The following CLIP4 variants were observed in gnomAD, a reference collection of about 807,000 sequenced individuals.
The protein encoded by CLIP4 is CAP-Gly domain containing linker protein family member 4.
Under a neutral mutation model 73.1 loss-of-function variants are expected in CLIP4, and 47 were observed. That is an observed-to-expected ratio of 0.64 (90% confidence interval 0.51 to 0.82). The LOEUF (loss-of-function observed/expected upper bound fraction) is 0.82, where lower values mean the gene tolerates loss of function less well. CLIP4 is among the 40% of genes least tolerant of loss of function. CLIP4 has a pLI of 0.00. For synonymous variants in CLIP4, 306 were observed against 295.4 expected, an observed-to-expected ratio of 1.04 and a Z score of -0.37; for missense variants, 874 against 852.9, an observed-to-expected ratio of 1.02 and a Z score of -0.31.
intron 1 of CLIP4, among the ~76,000 whole-genome samples, chr2:29,117,154 G>C (rs1346885862): frequency 6.6e-6 from 1 of 152,108 alleles, no homozygotes; most frequent in African/African-American, 2.4e-5. Context: ...AGAGTGAGCT[G>C]CACTGTTTTC....
intron 8 of CLIP4, among the ~76,000 whole-genome samples, chr2:29,150,760 C>T (rs1400175694): frequency 1.4e-5 from 2 of 145,562 alleles, no homozygotes; most frequent in Admixed American, 7.2e-5. Context: ...ATAGGGATTA[C>T]AGGCACGCAC....
rs180944443 is a variant in CLIP4, at chr2:29,128,927, C to T, written c.134-2331C>T. ...TATAATTTTTCAGTGTAGCACAGGA[C>T]ATGTTTACTAACACACCCAGGTATC... is the stretch of plus-strand genomic sequence containing the variant. On this transcript the variant is annotated intron_variant, in intron 2 of 15. Transcript: ENST00000320081. Among the ~76,000 whole-genome samples the T allele has an allele frequency of 3.9e-4, 60 of 152,258 alleles. 1 individual carries two copies. Among genetic ancestry groups the T allele is most frequent in the Non-Finnish European group, 2.6e-4 (18 of 67,990 alleles).
intron 14 of CLIP4, among the ~76,000 whole-genome samples, chr2:29,172,214 ATAT>A (rs996529209): frequency 6.6e-6 from 1 of 151,934 alleles, no homozygotes; most frequent in African/African-American, 2.4e-5. Flanking sequence ...TATAAATTTG[ATAT>A]TATTGTAATA....
intron 8 of CLIP4, among the ~76,000 whole-genome samples, chr2:29,150,784 TA>T (rs1353261087): frequency 6.6e-6 from 1 of 151,450 alleles, no homozygotes; most frequent in African/African-American, 2.4e-5. Context: ...CGTGCCTGGC[TA>T]AATTTTGTAT....
intron 14 of CLIP4, 72 bp downstream of exon 14, chr2:29,167,612 A>G: frequency 1.7e-6 from 2 of 1,180,250 alleles, no homozygotes; most frequent in Non-Finnish European, 2.4e-6. Context: ...TTTTATTATG[A>G]GGTATTGTAT....
chr2:29,121,753 A>G (rs939998744), intron 2 of CLIP4, among the ~76,000 whole-genome samples: 3 of 152,152 alleles, frequency 2.0e-5, no homozygotes, highest in African/African-American at 7.2e-5. Context: ...TTTAAGCATC[A>G]TGATGGATTT....
intron 1 of CLIP4, among the ~76,000 whole-genome samples, chr2:29,110,408 T>C (rs890969623): frequency 6.6e-6 from 1 of 152,194 alleles, no homozygotes; most frequent in African/African-American, 2.4e-5. Context: ...TAATAAATGA[T>C]ATCATAAACT....
At position 29,163,858 on chromosome 2, in the gene CLIP4, A is replaced by AGCT. The variant is rs1238290159; in HGVS notation, c.1562_1563insGCT (p.Lys521_Pro522insLeu). 6.2e-7 allele frequency: 1 copy of AGCT among 1,613,586 alleles called. No individual in the cohort carries two copies. Among genetic ancestry groups the AGCT allele is most frequent in the East Asian group, 2.2e-5 (1 of 44,864 alleles). ...TATTGGTATGGTATAGAGCTTGAAA[A>AGCT]ACCCCATGGCAAGAATGATGGTTCA... On this transcript the variant is annotated inframe_insertion, in exon 13 of 16. Transcript: ENST00000320081.
At chr2:29,155,476 G>T (rs1203114559) in intron 9 of CLIP4, among the ~76,000 whole-genome samples, 1 of 152,000 alleles carries the variant, frequency 6.6e-6, no homozygotes, top group Non-Finnish European at 1.5e-5. Flanking sequence ...TTGTATCACT[G>T]CCAACATCCT....
At chr2:29,146,524 A>G (rs1022109652) in intron 8 of CLIP4, among the ~76,000 whole-genome samples, 4 of 152,120 alleles carry the variant, frequency 2.6e-5, no homozygotes, top group Non-Finnish European at 5.9e-5. Context: ...TCTCACACAC[A>G]CCTATCCTGT....
intron 6 of CLIP4, among the ~76,000 whole-genome samples, chr2:29,139,672 G>A (rs3099567): frequency 0.43 from 64,998 of 151,884 alleles, 14,787 homozygotes; most frequent in African/African-American, 0.58. Context: ...AATTATTGGT[G>A]TGTTCAGGGT....
At chr2:29,103,340 C>G (rs1179926395) in intron 1 of CLIP4, among the ~76,000 whole-genome samples, 2 of 151,852 alleles carry the variant, frequency 1.3e-5, no homozygotes, top group Admixed American at 1.3e-4. Flanking sequence ...TTCTTAATGA[C>G]CCAATTTTCT....
At chr2:29,159,056 T>C (rs535052225) in intron 11 of CLIP4, among the ~76,000 whole-genome samples, 6 of 152,354 alleles carry the variant, frequency 3.9e-5, no homozygotes, top group Non-Finnish European at 8.8e-5. Context: ...TTACTGGCTG[T>C]TAACAGTGTG....
intron 15 of CLIP4, among the ~76,000 whole-genome samples, chr2:29,178,435 C>A (rs1403091017): frequency 6.6e-6 from 1 of 152,170 alleles, no homozygotes; most frequent in Admixed American, 6.5e-5. Flanking sequence ...CCTGCCTCAG[C>A]CTCCCAAAAT....
chr2:29,110,624 T>C (rs1668360888), upstream of CLIP4, among the ~76,000 whole-genome samples: 1 of 152,162 alleles, frequency 6.6e-6, no homozygotes, highest in African/African-American at 2.4e-5. Context: ...CAGTTGGATA[T>C]ACATCTGAGG....
intron 1 of CLIP4, among the ~76,000 whole-genome samples, chr2:29,100,798 A>G (rs1327391494): frequency 6.6e-6 from 1 of 151,922 alleles, no homozygotes; most frequent in Non-Finnish European, 1.5e-5. Context: ...CACATATCAC[A>G]TTGGGCAGAG....
At chr2:29,117,501 AC>A (rs985230737) in intron 1 of CLIP4, among the ~76,000 whole-genome samples, 1 of 151,386 alleles carries the variant, frequency 6.6e-6, no homozygotes, top group African/African-American at 2.4e-5. Flanking sequence ...CTGCTACCAC[AC>A]CCTGTTAATT....
At chr2:29,167,156 TTAATA>T (rs1470653104) in intron 13 of CLIP4, among the ~76,000 whole-genome samples, 10 of 152,350 alleles carry the variant, frequency 6.6e-5, no homozygotes, top group Middle Eastern at 3.4e-3. Context: ...TTTGTTAAGT[TTAATA>T]TAAAATAAAC....
Position 29,132,180 on chromosome 2 carries a change from A to T in CLIP4, c.302A>T (p.Asp101Val). ...CTTAAGAGAGGTTGCAATGTGAATGATAGAGATGGATTGACAGATATGACT... is the reference window on the plus strand; with the variant it reads ...CTTAAGAGAGGTTGCAATGTGAATGTTAGAGATGGATTGACAGATATGACT... ...EILKRGCNVN[D>V]RDGLTDMTLL... is the part of the protein sequence containing the mutation. The change falls in exon 4 of 16, where the codon GAT (aspartate) becomes GTT (valine). Residue 101 changes from aspartate to valine, a missense_variant. By Grantham distance (152) the Asp-to-Val change is radical (BLOSUM62 -3). Transcript: ENST00000320081. 1 of 1,613,798 alleles carries T rather than the reference A, an allele frequency of 6.2e-7. No individual in the cohort carries two copies.
Sources: gnomAD v4.1 joint callset for allele counts (sites outside exome capture counted in the v4.1 genomes callset) on GRCh38, gnomAD v4.1.1 for gene constraint, MANE v1.5 for transcripts, NCBI Gene and HGNC (gene_info 2026-07-23, HGNC 2026-07-21) for gene names.